Variants in TENM3 observed in about 807,000 individuals in gnomAD.
The protein encoded by TENM3 is teneurin transmembrane protein 3, also known as teneurin-3.
A neutral mutation model predicts 255.1 loss-of-function variants in TENM3; 63 were observed. The observed-to-expected ratio is 0.25, with a 90% CI of 0.20 to 0.30. The LOEUF (loss-of-function observed/expected upper bound fraction) is 0.30. Ranked by LOEUF, TENM3 falls within the 10% of genes least tolerant of loss-of-function variation. The pLI is 1.00. For synonymous variants in TENM3, 1,306 were observed against 1,322.3 expected, an observed-to-expected ratio of 0.99 and a Z score of 0.27; for missense variants, 2,929 against 3,461.1, an observed-to-expected ratio of 0.85 and a Z score of 3.86.
chr4:181,470,141 A>G, the TENM3 span, among the ~76,000 whole-genome samples: 2 of 119,168 alleles, frequency 1.7e-5, no homozygotes, highest in Non-Finnish European at 3.8e-5. Flanking sequence ...TTCAAAAGGA[A>G]CTATTCTATT....
At chr4:181,608,034 C>T in the TENM3 span, among the ~76,000 whole-genome samples, 1 of 152,290 alleles carries the variant, frequency 6.6e-6, no homozygotes, top group East Asian at 1.9e-4. Context: ...CCAAAGTAAT[C>T]ACTGAGCAAT....
At chr4:181,550,371 G>T in the TENM3 span, among the ~76,000 whole-genome samples, 2 of 152,304 alleles carry the variant, frequency 1.3e-5, no homozygotes, top group Admixed American at 6.5e-5. Flanking sequence ...ATCAAAGGTG[G>T]CATTCAAATG....
chr4:182,776,159 TC>T (rs1204070578), intron 24 of TENM3, among the ~76,000 whole-genome samples: 1 of 152,200 alleles, frequency 6.6e-6, no homozygotes, highest in Non-Finnish European at 1.5e-5. Flanking sequence ...ACGCCTGTAA[TC>T]CCAACACTTT....
the TENM3 span, among the ~76,000 whole-genome samples, chr4:182,014,194 A>G: frequency 7.4e-5 from 11 of 149,400 alleles, no homozygotes; most frequent in Non-Finnish European, 1.3e-4. Flanking sequence ...GTGTGTATAT[A>G]TATATATAAA....
chr4:181,799,155 T>G, the TENM3 span, among the ~76,000 whole-genome samples: 1 of 152,226 alleles, frequency 6.6e-6, no homozygotes, highest in Non-Finnish European at 1.5e-5. Context: ...GATTTCTCAG[T>G]TTTTGAGCAG....
At chr4:182,779,938 G>A (rs1156296274) in intron 24 of TENM3, among the ~76,000 whole-genome samples, 1 of 151,612 alleles carries the variant, frequency 6.6e-6, no homozygotes, top group Non-Finnish European at 1.5e-5. Context: ...TGAGTTCATT[G>A]TAGATTCTGG....
At chr4:182,677,446 A>G (rs1755757470) in intron 7 of TENM3, among the ~76,000 whole-genome samples, 1 of 152,176 alleles carries the variant, frequency 6.6e-6, no homozygotes. Flanking sequence ...AAATGTTTAT[A>G]TGCTTCGGTC....
At chr4:181,951,993 G>A in the TENM3 span, among the ~76,000 whole-genome samples, 2 of 152,172 alleles carry the variant, frequency 1.3e-5, no homozygotes, top group African/African-American at 4.8e-5. Flanking sequence ...TTACTTGAAA[G>A]TCTGAAGTAT....
At chr4:181,822,446 T>C in the TENM3 span, among the ~76,000 whole-genome samples, 1 of 152,198 alleles carries the variant, frequency 6.6e-6, no homozygotes, top group African/African-American at 2.4e-5. Flanking sequence ...AACAGACTTA[T>C]TTAAGGAGAG....
chr4:181,448,154 A>AT, the TENM3 span, among the ~76,000 whole-genome samples: 193 of 90,108 alleles, frequency 2.1e-3, 19 homozygotes, highest in African/African-American at 7.6e-3. Context: ...AAATCCAGTA[A>AT]TTTTTTTTTT....
the TENM3 span, among the ~76,000 whole-genome samples, chr4:181,951,547 T>C: frequency 1.3e-5 from 2 of 152,210 alleles, no homozygotes; most frequent in Non-Finnish European, 2.9e-5. Flanking sequence ...AACGGCAAAG[T>C]CCATATTTGA....
intron 1 of TENM3, among the ~76,000 whole-genome samples, chr4:182,320,092 G>T (rs1405689282): frequency 7.1e-6 from 1 of 140,170 alleles, no homozygotes; most frequent in Non-Finnish European, 1.5e-5. Context: ...CAGCCTGAGT[G>T]AAAGAGTGAA....
At chr4:182,775,580 C>A (rs572438307) in intron 24 of TENM3, among the ~76,000 whole-genome samples, 2 of 152,286 alleles carry the variant, frequency 1.3e-5, no homozygotes, top group African/African-American at 4.8e-5. Context: ...CTTCCCAGGG[C>A]CCCTGCTGCC....
At chr4:182,279,228 C>T (rs181769889) in intron 1 of TENM3, among the ~76,000 whole-genome samples, 11 of 151,886 alleles carry the variant, frequency 7.2e-5, no homozygotes, top group South Asian at 2.1e-4. Context: ...TTTCTGTGTG[C>T]GCTTTTAAAA....
At chr4:181,801,145 A>T in the TENM3 span, among the ~76,000 whole-genome samples, 1 of 152,116 alleles carries the variant, frequency 6.6e-6, no homozygotes, top group Non-Finnish European at 1.5e-5. Flanking sequence ...GCAAGCAGGC[A>T]TTAGGCACTA....
chr4:181,980,432 A>C, the TENM3 span: 7 of 152,322 alleles, frequency 4.6e-5, no homozygotes, highest in Non-Finnish European at 1.0e-4. Context: ...TGCTTCATTA[A>C]AATGTCTAAA....
At chr4:182,461,206 A>G (rs755251869) in intron 3 of TENM3, among the ~76,000 whole-genome samples, 5 of 152,216 alleles carry the variant, frequency 3.3e-5, no homozygotes, top group Admixed American at 6.5e-5. Context: ...TTGCTTGGGC[A>G]TCACCTGATC....
chr4:181,476,016 T>C, the TENM3 span, among the ~76,000 whole-genome samples: 4 of 152,140 alleles, frequency 2.6e-5, no homozygotes, highest in Admixed American at 1.3e-4. Flanking sequence ...GACTGTTCCC[T>C]GGGGAGGGAC....
chr4:181,951,760 GTTAC>G, the TENM3 span, among the ~76,000 whole-genome samples: 1 of 152,170 alleles, frequency 6.6e-6, no homozygotes, highest in African/African-American at 2.4e-5. Flanking sequence ...CTTTTCTTAA[GTTAC>G]TTACAGTTAC....
Sources: gnomAD v4.1 joint callset for allele counts (sites outside exome capture counted in the v4.1 genomes callset) on GRCh38, gnomAD v4.1.1 for gene constraint, MANE v1.5 for transcripts, NCBI Gene and HGNC (gene_info 2026-07-23, HGNC 2026-07-21) for gene names.